Variants in ZNF496 observed in about 807,000 individuals in gnomAD.
ZNF496 encodes the protein zinc finger protein 496, also known as NSD1 (nuclear receptor binding SET-domain containing 1)-interacting zinc finger protein 1.
A neutral mutation model predicts 58.9 loss-of-function variants in ZNF496; 11 were observed. That is an observed-to-expected ratio of 0.19 (90% CI 0.12 to 0.31). ZNF496 has a LOEUF of 0.31. Ranked by LOEUF, ZNF496 falls within the 10% of genes least tolerant of loss-of-function variation. The pLI, the probability that ZNF496 is intolerant of heterozygous loss-of-function variation, is 1.00. For missense variants in ZNF496, 660 were observed against 783.0 expected, an observed-to-expected ratio of 0.84 and a Z score of 1.88; for synonymous variants, 338 against 318.2, an observed-to-expected ratio of 1.06 and a Z score of -0.66.
At chr1:247,323,783 G>A (rs10924985) in intron 5 of ZNF496, among the ~76,000 whole-genome samples, 51,106 of 149,786 alleles carry the variant, frequency 0.34, 9,351 homozygotes, top group East Asian at 0.51. Context: ...AAAAAAAGAA[G>A]AAGAAAAAGA....
chr1:247,321,616 G>A (rs56124448), intron 6 of ZNF496, among the ~76,000 whole-genome samples: 49,900 of 152,014 alleles, frequency 0.33, 8,648 homozygotes, highest in Middle Eastern at 0.51. Context: ...ACTATCACTG[G>A]GAAGAAACTA....
intron 5 of ZNF496, among the ~76,000 whole-genome samples, chr1:247,326,787 A>C (rs913735113): frequency 8.5e-5 from 13 of 152,208 alleles, no homozygotes; most frequent in African/African-American, 3.1e-4. Flanking sequence ...CTAATCCAAT[A>C]GGACTGGTGT....
At chr1:247,316,152 G>A (rs1659762368) in intron 6 of ZNF496, among the ~76,000 whole-genome samples, 1 of 137,786 alleles carries the variant, frequency 7.3e-6, no homozygotes, top group Admixed American at 7.2e-5. Context: ...GTGTGTGTGT[G>A]TGTGTGTGTG....
chr1:247,329,652 G>T lies in ZNF496; in HGVS notation c.-37-37C>A. 6.7e-7 allele frequency: 1 copy of T among 1,495,180 alleles called. No individual in the cohort carries two copies. Among genetic ancestry groups the T allele is most frequent in the Non-Finnish European group, 8.9e-7 (1 of 1,121,822 alleles). 92.6% of individuals were successfully genotyped at this position (1,495,180 alleles called of 1,614,324 possible). A position where few individuals can be genotyped will look rare whatever the true frequency, so the allele number is the denominator to read the frequency against. ...CAGAAATCACTGGCTTCAGTGTTCT[G>T]GTCTCCTGTGGTCATTTCTGGGGGA... On this transcript the variant is annotated intron_variant, in intron 3 of 9. Coordinates refer to ENST00000682384, the MANE Select transcript of ZNF496 (RefSeq NM_032752.3). This position sits in a 1 kb window ranked among gnomAD's most constrained non-coding sequence, Gnocchi z 5.5.
At position 247,310,312 on chromosome 1, in the gene ZNF496, G is replaced by A. The variant is rs745992698; in HGVS notation, c.784+12C>T. On this transcript the variant is annotated intron_variant, in intron 7 of 9. Coordinates refer to ENST00000682384, the MANE Select transcript of ZNF496 (RefSeq NM_032752.3). ...CCCTGGTCTTGAGGTGTGGGGGGAA[G>A]TTAAGTCTTACTTGGAGGCATTGAG... 3 of 1,614,070 alleles carry A rather than the reference G, an allele frequency of 1.9e-6. No individual in the cohort carries two copies. The highest frequency in any genetic ancestry group is 2.5e-6 in the Non-Finnish European group (3 of 1,180,012).
chr1:247,328,044 A>T (rs1202426966), intron 5 of ZNF496, among the ~76,000 whole-genome samples: 1 of 152,234 alleles, frequency 6.6e-6, no homozygotes, highest in Non-Finnish European at 1.5e-5. Context: ...TGGACAGAGG[A>T]AGAAACTGAG....
chr1:247,315,060 CTTTTT>C (rs67977969), intron 6 of ZNF496, among the ~76,000 whole-genome samples: 55 of 121,466 alleles, frequency 4.5e-4, no homozygotes, highest in Middle Eastern at 4.2e-3. Flanking sequence ...CTTGACTAGT[CTTTTT>C]TTTTTTTTTT....
chr1:247,307,323 G>C (rs1659445717), intron 9 of ZNF496: 1 of 985,286 alleles, frequency 1.0e-6, no homozygotes, highest in African/African-American at 1.7e-5. Context: ...TTGGCTTCTG[G>C]CTGTTTCAGA....
intron 9 of ZNF496, among the ~76,000 whole-genome samples, chr1:247,305,784 G>C (rs998091585): frequency 2.6e-5 from 4 of 152,202 alleles, no homozygotes; most frequent in African/African-American, 7.2e-5. Flanking sequence ...AAAACTGTAA[G>C]AAAACATTTA....
intron 6 of ZNF496, chr1:247,312,238 TG>T (rs1345526065): frequency 6.6e-6 from 1 of 152,220 alleles, no homozygotes; most frequent in Non-Finnish European, 1.5e-5. Flanking sequence ...CCAATTGCAG[TG>T]GCCCGTAAGT....
chr1:247,300,482 G>A lies in ZNF496; in HGVS notation c.*37C>T. The A allele has an allele frequency of 6.4e-7, 1 of 1,568,206 alleles. No homozygotes were observed. Among genetic ancestry groups the A allele is most frequent in the Non-Finnish European group, 8.7e-7 (1 of 1,155,554 alleles). ...TGATCAGTACCAAGGTGAGGGGGCA[G>A]CACCAGCCAGGGTGAGGCCGCCCCA... On this transcript the variant is annotated 3_prime_UTR_variant, in exon 10 of 10. Coordinates refer to ENST00000682384, the MANE Select transcript of ZNF496 (RefSeq NM_032752.3). This position sits in a 1 kb window ranked among gnomAD's most constrained non-coding sequence, Gnocchi z 5.7.
intron 6 of ZNF496, 193 bp from the exon 7 acceptor site, chr1:247,310,649 C>T (rs992777559): frequency 1.8e-5 from 11 of 626,894 alleles, no homozygotes; most frequent in Non-Finnish European, 3.0e-5. Context: ...GGTGAGGGCC[C>T]ACTTCTTGGT....
In ZNF496 at chr1:247,329,483, C is replaced by G; in HGVS notation, c.96G>C (p.Gln32His). 1 of 1,607,178 alleles carries G rather than the reference C, an allele frequency of 6.2e-7. No homozygotes were observed. Among genetic ancestry groups the G allele is most frequent in the Non-Finnish European group, 8.5e-7 (1 of 1,177,538 alleles). ...AGGACTCGGGGCTGGGAAGCTCCCC[C>G]TGGGGGCTAGGGTTCTCTCCAGGTG... The part of the protein sequence containing the change: ...RSPPGENPSP[Q>H]GELPSPESSR... The change falls in exon 4 of 10, where the codon CAG becomes CAC. Residue 32 changes from glutamine (Q) to histidine (H), a missense_variant. Coordinates refer to ENST00000682384, the MANE Select transcript of ZNF496 (RefSeq NM_032752.3). The surrounding 1 kb of genome is among the most constrained non-coding windows in gnomAD (Gnocchi z 5.5).
Position 247,309,753 on chromosome 1 carries a change from C to T in ZNF496, c.838G>A (p.Val280Ile), listed in dbSNP as rs144205351. The stretch of plus-strand genomic sequence containing the variant: ...CCCTGGAGATCCTGCAACTCTGGAA[C>T]GCGTGGCTCATTCTCCTCTCCCTGG... ...LSQGEENEPR[V>I]PELQDLQGKE... Residue 280 changes from valine to isoleucine, a missense_variant, in exon 8 of 10, where the codon GTT becomes ATT. Coordinates refer to ENST00000682384, the MANE Select transcript of ZNF496 (RefSeq NM_032752.3). The surrounding 1 kb of genome is among the most constrained non-coding windows in gnomAD (Gnocchi z 4.3). The T allele has an allele frequency of 5.9e-5, 96 of 1,614,180 alleles. No individual in the cohort carries two copies. The highest frequency in any genetic ancestry group is 2.0e-4 in the African/African-American group (15 of 75,040).
intron 6 of ZNF496, chr1:247,322,615 C>CT (rs1488724472): frequency 9.5e-6 from 8 of 840,710 alleles, no homozygotes; most frequent in Non-Finnish European, 1.3e-5. Flanking sequence ...AGCCCTGACT[C>CT]TGACTCCTCA....
chr1:247,314,426 C>T (rs1009468733), intron 6 of ZNF496, among the ~76,000 whole-genome samples: 4 of 140,638 alleles, frequency 2.8e-5, no homozygotes, highest in Non-Finnish European at 2.9e-5. Context: ...TAGATCAATG[C>T]TTCATTTTAA....
intron 5 of ZNF496, among the ~76,000 whole-genome samples, chr1:247,325,865 C>CAT (rs943907733): frequency 9.2e-5 from 14 of 152,040 alleles, no homozygotes; most frequent in East Asian, 3.9e-4. Context: ...CCCAGATATT[C>CAT]ATATATATAT....
rs777153577 is a variant in ZNF496, at chr1:247,308,456, C to T, written c.1006+19G>A. ...CAGACACACAGGGACAAACCCATAC[C>T]TCCCTGACCCTTCTTTACCTGGGTA... is the stretch of plus-strand genomic sequence containing the variant. On this transcript the variant is annotated intron_variant, in intron 9 of 9. Coordinates refer to ENST00000682384, the MANE Select transcript of ZNF496 (RefSeq NM_032752.3). The surrounding 1 kb of genome is among the most constrained non-coding windows in gnomAD (Gnocchi z 4.5). 6.2e-7 allele frequency: 1 copy of T among 1,608,222 alleles called. No homozygotes were observed. The highest frequency in any genetic ancestry group is 2.2e-5 in the East Asian group (1 of 44,846).
intron 6 of ZNF496, chr1:247,310,940 C>T (rs1297231339): frequency 6.5e-6 from 1 of 154,056 alleles, no homozygotes; most frequent in Non-Finnish European, 1.4e-5. Context: ...TCCCAATAAC[C>T]CTCAAAGTCT....
Sources: gnomAD v4.1 joint callset for allele counts (sites outside exome capture counted in the v4.1 genomes callset) on GRCh38, gnomAD v4.1.1 for gene constraint, Gnocchi (gnomAD v3.1) non-coding constraint, MANE v1.5 for transcripts, NCBI Gene and HGNC (gene_info 2026-07-23, HGNC 2026-07-21) for gene names.